Variants in EBF2 observed in about 807,000 individuals in gnomAD.
EBF2 encodes the protein transcription factor COE2.
In EBF2, 21 loss-of-function variants were observed where a neutral mutation model predicts 72.8. The ratio of observed to expected loss-of-function variants is 0.29; its 90% confidence interval spans 0.20 to 0.42. The LOEUF is 0.42. EBF2 is among the 10% of genes least tolerant of loss of function. EBF2 has a pLI of 1.00. For synonymous variants in EBF2, 299 were observed against 274.2 expected (o/e 1.09, Z -0.89); for missense variants, 637 against 731.2 (o/e 0.87, Z 1.49).
intron 6 of EBF2, among the ~76,000 whole-genome samples, chr8:25,965,719 G>A (rs976160131): frequency 3.9e-5 from 6 of 152,164 alleles, no homozygotes; most frequent in Admixed American, 6.5e-5. Context: ...CCTTGCTGAA[G>A]GAGACATGCC....
chr8:26,021,307 T>A (rs1204161081), intron 6 of EBF2, among the ~76,000 whole-genome samples: 1 of 152,204 alleles, frequency 6.6e-6, no homozygotes, highest in East Asian at 1.9e-4. Context: ...CTCACCTGTC[T>A]GCCTTTTAAG....
intron 10 of EBF2, among the ~76,000 whole-genome samples, chr8:25,877,591 C>A (rs1401990569): frequency 6.6e-6 from 1 of 152,132 alleles, no homozygotes. Flanking sequence ...ACCAGGTACA[C>A]CTAATAATGG....
chr8:26,040,428 G>A (rs1315582814), intron 4 of EBF2, among the ~76,000 whole-genome samples, 188 bp downstream of exon 4: 1 of 151,030 alleles, frequency 6.6e-6, no homozygotes, highest in East Asian at 1.9e-4. Flanking sequence ...CAGGTCACTT[G>A]GTGAGACAGG....
At chr8:26,014,204 C>A (rs1236080682) in intron 6 of EBF2, among the ~76,000 whole-genome samples, 1 of 152,034 alleles carries the variant, frequency 6.6e-6, no homozygotes, top group African/African-American at 2.4e-5. Context: ...TAAATCTTAA[C>A]TTATCAAAGA....
At chr8:26,041,565 T>C (rs1805601096) in intron 2 of EBF2, 1 of 163,234 alleles carries the variant, frequency 6.1e-6, no homozygotes, top group Admixed American at 5.8e-5. Flanking sequence ...TGGTCACACA[T>C]AGGTTTCGGC....
At chr8:25,986,524 C>A (rs1008069933) in intron 6 of EBF2, among the ~76,000 whole-genome samples, 1 of 152,148 alleles carries the variant, frequency 6.6e-6, no homozygotes, top group African/African-American at 2.4e-5. Context: ...ACACCTTGTT[C>A]GATGCTTGAC....
intron 6 of EBF2, among the ~76,000 whole-genome samples, chr8:25,981,449 G>A (rs2117199499): frequency 6.6e-6 from 1 of 152,096 alleles, no homozygotes; most frequent in Admixed American, 6.5e-5. Flanking sequence ...GGCAATGGAA[G>A]TGGGAAGGAA....
At chr8:25,848,549 C>CCTGGGAGTCTGTAA (rs1459555578) in intron 15 of EBF2, among the ~76,000 whole-genome samples, 1 of 152,066 alleles carries the variant, frequency 6.6e-6, no homozygotes, top group East Asian at 1.9e-4. Context: ...GATGACAGGC[C>CCTGGGAGTCTGTAA]CTGGGAGTCT....
intron 10 of EBF2, among the ~76,000 whole-genome samples, chr8:25,875,036 A>C (rs1301093254): frequency 2.0e-5 from 3 of 151,942 alleles, no homozygotes; most frequent in Non-Finnish European, 4.4e-5. Flanking sequence ...TCTCCTGCAA[A>C]GGCCATGTTC....
intron 7 of EBF2, among the ~76,000 whole-genome samples, chr8:25,907,446 A>AT (rs1249247451): frequency 3.4e-5 from 5 of 147,948 alleles, no homozygotes; most frequent in African/African-American, 1.3e-4. Flanking sequence ...AAAAAAAAAA[A>AT]AAAAAAATTA....
At chr8:25,944,735 C>T (rs1237169724) in intron 6 of EBF2, among the ~76,000 whole-genome samples, 2 of 146,832 alleles carry the variant, frequency 1.4e-5, no homozygotes, top group African/African-American at 5.0e-5. Context: ...TATATGTACA[C>T]AATAACAATT....
At chr8:25,907,477 A>G (rs1329859274) in intron 7 of EBF2, among the ~76,000 whole-genome samples, 4 of 150,636 alleles carry the variant, frequency 2.7e-5, no homozygotes, top group Non-Finnish European at 4.4e-5. Context: ...CAAGAAGACA[A>G]CAGCAAAAGA....
intron 6 of EBF2, among the ~76,000 whole-genome samples, chr8:25,984,707 G>T (rs1255656581): frequency 6.6e-6 from 1 of 151,936 alleles, no homozygotes; most frequent in Non-Finnish European, 1.5e-5. Flanking sequence ...CCATTTGCCT[G>T]ATTGCACCTC....
At chr8:25,988,260 G>A (rs1230523767) in intron 6 of EBF2, among the ~76,000 whole-genome samples, 2 of 152,156 alleles carry the variant, frequency 1.3e-5, no homozygotes, top group Non-Finnish European at 2.9e-5. Context: ...GAGACAAGCA[G>A]ACAAGCTTTG....
At chr8:26,002,930 G>C in intron 6 of EBF2, among the ~76,000 whole-genome samples, 1 of 18,196 alleles carries the variant, frequency 5.5e-5, no homozygotes, top group African/African-American at 1.5e-4. Flanking sequence ...AGGCGGGCAG[G>C]CAGGCAGGCA....
chr8:25,980,346 T>A (rs1000626150), intron 6 of EBF2, among the ~76,000 whole-genome samples: 10 of 152,166 alleles, frequency 6.6e-5, no homozygotes, highest in Non-Finnish European at 1.5e-4. Flanking sequence ...TAAAGAACTA[T>A]GATTCTTCCT....
At chr8:25,927,565 T>TA (rs1158828841) in intron 6 of EBF2, among the ~76,000 whole-genome samples, 1 of 152,016 alleles carries the variant, frequency 6.6e-6, no homozygotes, top group Non-Finnish European at 1.5e-5. Context: ...AACCACCAAA[T>TA]AATGTGGTCC....
Position 26,044,599 on chromosome 8 carries a change from G to A in EBF2, c.131+130C>T. 3 of 1,359,994 alleles carry A rather than the reference G, an allele frequency of 2.2e-6. No individual in the cohort carries two copies. Among genetic ancestry groups the A allele is most frequent in the Non-Finnish European group, 3.0e-6 (3 of 1,000,876 alleles). The allele number at this position is 1,359,994 out of a possible 1,614,324, so 84.2% of individuals were successfully genotyped here. On this transcript the variant is annotated intron_variant, in intron 1 of 15. Coordinates refer to ENST00000520164, the MANE Select transcript of EBF2 (RefSeq NM_022659.4). The surrounding 1 kb of genome is among the most constrained non-coding windows in gnomAD (Gnocchi z 4.1). ...TGCTTGCCCGAGGGCGAGCCCCAGC[G>A]CGCAGGGCCTGGGCGACAGATGGGG...
At chr8:26,024,663 GT>G (rs1805270345) in intron 6 of EBF2, among the ~76,000 whole-genome samples, 1 of 152,164 alleles carries the variant, frequency 6.6e-6, no homozygotes, top group Middle Eastern at 3.2e-3. Context: ...ATGCTTGGCA[GT>G]CAGAGATTAA....
Sources: gnomAD v4.1 joint callset for allele counts (sites outside exome capture counted in the v4.1 genomes callset) on GRCh38, gnomAD v4.1.1 for gene constraint, Gnocchi (gnomAD v3.1) non-coding constraint, MANE v1.5 for transcripts, NCBI Gene and HGNC (gene_info 2026-07-23, HGNC 2026-07-21) for gene names.